UBAC2: variants seen among roughly 807,000 people sequenced by gnomAD.
UBAC2 encodes the protein ubiquitin-associated domain-containing protein 2.
UBAC2 carries 26 observed loss-of-function variants against 44.0 expected under a neutral mutation model. The ratio of observed to expected loss-of-function variants is 0.59; its 90% CI spans 0.43 to 0.82. UBAC2 has a LOEUF of 0.82. Ranked by LOEUF, UBAC2 falls within the 40% of genes least tolerant of loss-of-function variation. The pLI is 0.00. For missense variants in UBAC2, 329 were observed against 419.4 expected (o/e 0.78, Z 1.88); for synonymous variants, 155 against 154.3 (o/e 1.00, Z -0.04).
chr13:99,255,473 T>G (rs759661276), intron 4 of UBAC2: 9 of 1,614,102 alleles, frequency 5.6e-6, no homozygotes, highest in South Asian at 1.1e-5. Context: ...TTGCACGTGT[T>G]TTTAAGTTCT....
At chr13:99,277,250 G>A (rs990110018) in intron 4 of UBAC2, among the ~76,000 whole-genome samples, 2 of 152,180 alleles carry the variant, frequency 1.3e-5, no homozygotes, top group Non-Finnish European at 1.5e-5. Context: ...TTAAGGCCAG[G>A]TGCAGTGGCT....
At chr13:99,327,762 A>G (rs536694725) in intron 6 of UBAC2, among the ~76,000 whole-genome samples, 1 of 152,296 alleles carries the variant, frequency 6.6e-6, no homozygotes, top group African/African-American at 2.4e-5. Context: ...ACCTCTTATA[A>G]AATTTAAAAG....
intron 8 of UBAC2, among the ~76,000 whole-genome samples, chr13:99,371,062 G>C (rs1486125000): frequency 6.6e-6 from 1 of 152,094 alleles, no homozygotes; most frequent in Non-Finnish European, 1.5e-5. Flanking sequence ...GGTATTTAAA[G>C]GTGATATATT....
Position 99,262,710 on chromosome 13 carries a change from C to CAAAAA in UBAC2, c.389+18112_389+18116dup, listed in dbSNP as rs61627160. On this transcript the variant is annotated intron_variant, in intron 4 of 8. Transcript: ENST00000403766. The stretch of plus-strand genomic sequence containing the variant: ...TGGGCAACAGAGCAGAACTCCCTCT[C>CAAAAA]AAAAAAAAAAAAAAAAAAAAAAAAA... Among the ~76,000 whole-genome samples, 28 of 57,164 alleles carry CAAAAA rather than the reference C, an allele frequency of 4.9e-4. 2 individuals are homozygous for CAAAAA. The highest frequency in any genetic ancestry group is 1.8e-3 in the East Asian group (4 of 2,228). 37.5% of individuals were successfully genotyped at this position (57,164 alleles called of 152,430 possible). A position where few individuals can be genotyped will look rare whatever the true frequency, so the allele number is the denominator to read the frequency against.
At chr13:99,227,820 C>T (rs772503811) in intron 1 of UBAC2, among the ~76,000 whole-genome samples, 1 of 152,142 alleles carries the variant, frequency 6.6e-6, no homozygotes, top group African/African-American at 2.4e-5. Flanking sequence ...AATACCAAAG[C>T]AAACCGTTCA....
At chr13:99,234,137 C>T (rs924503551) in intron 1 of UBAC2, among the ~76,000 whole-genome samples, 4 of 145,774 alleles carry the variant, frequency 2.7e-5, no homozygotes, top group Non-Finnish European at 6.0e-5. Context: ...TTTTCTGAGT[C>T]TCCATCATGG....
chr13:99,265,307 TAA>T (rs2043728161), intron 4 of UBAC2, among the ~76,000 whole-genome samples: 3 of 152,228 alleles, frequency 2.0e-5, no homozygotes, highest in Admixed American at 6.5e-5. Context: ...AGCCACAGTC[TAA>T]AGAGAGTCTT....
chr13:99,376,127 C>T (rs937345787), intron 8 of UBAC2, among the ~76,000 whole-genome samples: 1 of 152,192 alleles, frequency 6.6e-6, no homozygotes, highest in Non-Finnish European at 1.5e-5. Context: ...TTATTTCCAT[C>T]TCTAGGGTGT....
At chr13:99,238,334 T>TTTAAAAGAAGTGAATTCTCTTGC in intron 1 of UBAC2, 93 bp from the exon 2 acceptor site, 1 of 1,484,190 alleles carries the variant, frequency 6.7e-7, no homozygotes. Flanking sequence ...TTCATTCTGA[T>TTTAAAAGAAGTGAATTCTCTTGC]TTAAAAGAAG....
At chr13:99,304,692 T>A (rs2044306309) in intron 4 of UBAC2, among the ~76,000 whole-genome samples, 1 of 152,298 alleles carries the variant, frequency 6.6e-6, no homozygotes, top group South Asian at 2.1e-4. Flanking sequence ...ACTCATTGAA[T>A]CCTCTCAGAA....
At chr13:99,331,664 A>G (rs2044717720) in intron 6 of UBAC2, among the ~76,000 whole-genome samples, 2 of 152,264 alleles carry the variant, frequency 1.3e-5, no homozygotes, top group Admixed American at 6.5e-5. Flanking sequence ...TCTGTCTGTC[A>G]TGAAAAGAAT....
chr13:99,369,083 A>G (rs1275650599), intron 8 of UBAC2, among the ~76,000 whole-genome samples: 1 of 152,228 alleles, frequency 6.6e-6, no homozygotes, highest in Non-Finnish European at 1.5e-5. Flanking sequence ...TTATATAAAT[A>G]CATACACTGG....
chr13:99,301,586 AT>A (rs997171573), intron 4 of UBAC2, among the ~76,000 whole-genome samples: 1 of 152,046 alleles, frequency 6.6e-6, no homozygotes, highest in African/African-American at 2.4e-5. Flanking sequence ...TTATCATCTC[AT>A]TTTTGCATAA....
intron 1 of UBAC2, among the ~76,000 whole-genome samples, chr13:99,235,171 T>C (rs978073693): frequency 5.3e-5 from 8 of 152,216 alleles, no homozygotes; most frequent in African/African-American, 1.7e-4. Flanking sequence ...GTGTTAACAC[T>C]TTTAGCCTCT....
chr13:99,316,985 T>C (rs773324804), intron 5 of UBAC2, among the ~76,000 whole-genome samples: 2 of 152,232 alleles, frequency 1.3e-5, no homozygotes, highest in African/African-American at 2.4e-5. Context: ...TCCATCCTTA[T>C]TATTATCAGA....
rs1341858079 is a variant in UBAC2, at chr13:99,318,779, G to A, written c.561+710G>A. Among the ~76,000 whole-genome samples the A allele has an allele frequency of 2.2e-5, 3 of 139,416 alleles. No individual in the cohort carries two copies. The East Asian group carries it at 6.4e-4, about 30-fold the overall frequency. The allele number at this position is 139,416 out of a possible 152,430, so 91.5% of individuals were successfully genotyped here. ...GGAGCTTGCAGTGAGCCGAGGTGGC[G>A]CCATTGCTCTCCAGCCTGGGCGACA... On this transcript the variant is annotated intron_variant, in intron 6 of 8. Coordinates refer to ENST00000403766, the MANE Select transcript of UBAC2 (RefSeq NM_001144072.2).
At chr13:99,227,446 A>C (rs1049705606) in intron 1 of UBAC2, among the ~76,000 whole-genome samples, 1 of 152,188 alleles carries the variant, frequency 6.6e-6, no homozygotes, top group Non-Finnish European at 1.5e-5. Flanking sequence ...TGGCTCTTAA[A>C]GGGTCCTCCT....
intron 1 of UBAC2, among the ~76,000 whole-genome samples, chr13:99,219,190 G>A (rs2043028680): frequency 6.6e-6 from 1 of 152,156 alleles, no homozygotes; most frequent in Non-Finnish European, 1.5e-5. Context: ...TTTTACATGC[G>A]TGACTTGTGG....
At chr13:99,338,047 C>CTTTTTCTTTTTTTTTT (rs2044821100) in intron 6 of UBAC2, among the ~76,000 whole-genome samples, 6 of 48,852 alleles carry the variant, frequency 1.2e-4, no homozygotes, top group Admixed American at 5.9e-4. Context: ...TTCTTTTTTT[C>CTTTTTCTTTTTTTTTT]TTTTTTTTTT....
Sources: gnomAD v4.1 joint callset for allele counts (sites outside exome capture counted in the v4.1 genomes callset) on GRCh38, gnomAD v4.1.1 for gene constraint, MANE v1.5 for transcripts, NCBI Gene and HGNC (gene_info 2026-07-23, HGNC 2026-07-21) for gene names.